Variants in AP1G1 observed in about 807,000 individuals in gnomAD.
AP1G1 encodes AP-1 complex subunit gamma-1.
A neutral mutation model predicts 108.3 loss-of-function variants in AP1G1; 7 were observed. That is an observed-to-expected ratio of 0.06 (90% confidence interval 0.04 to 0.12). The LOEUF (loss-of-function observed/expected upper bound fraction) is 0.12, where lower values mean the gene tolerates loss of function less well. Ranked by LOEUF, AP1G1 falls within the 10% of genes least tolerant of loss-of-function variation. The pLI is 1.00. For missense variants in AP1G1, 756 were observed against 1,010.7 expected, an observed-to-expected ratio of 0.75 and a Z score of 3.42; for synonymous variants, 379 against 353.5, an observed-to-expected ratio of 1.07 and a Z score of -0.81.
At chr16:71,789,193 T>G in intron 2 of AP1G1, 86 bp downstream of exon 2, 1 of 1,272,328 alleles carries the variant, frequency 7.9e-7, no homozygotes, top group Non-Finnish European at 1.1e-6. Flanking sequence ...CTATCAAAAG[T>G]ACCTCCCCAC....
intron 1 of AP1G1, among the ~76,000 whole-genome samples, chr16:71,801,870 C>T (rs1332551910): frequency 6.9e-6 from 1 of 144,970 alleles, no homozygotes. Flanking sequence ...TGCAGTGAGC[C>T]GAGATTGCGC....
intron 2 of AP1G1, chr16:71,777,501 G>A (rs550769762): frequency 3.0e-5 from 8 of 269,844 alleles, no homozygotes; most frequent in African/African-American, 1.6e-4. Context: ...CTGGTGCAGG[G>A]CCCATAGCAA....
chr16:71,791,541 C>T (rs888367556), intron 1 of AP1G1, among the ~76,000 whole-genome samples: 3 of 151,812 alleles, frequency 2.0e-5, no homozygotes, highest in African/African-American at 4.8e-5. Context: ...AAAAGTTAGC[C>T]AAACATAGTG....
chr16:71,746,849 CA>C, intron 16 of AP1G1, 157 bp from the exon 17 acceptor site: 4 of 561,428 alleles, frequency 7.1e-6, no homozygotes, highest in Non-Finnish European at 1.3e-5. Context: ...ACTTTACTTT[CA>C]TCCATTTATC....
chr16:71,747,771 C>A (rs902995145), intron 16 of AP1G1, among the ~76,000 whole-genome samples: 2 of 152,024 alleles, frequency 1.3e-5, no homozygotes, highest in Non-Finnish European at 2.9e-5. Context: ...CACTTGAGCC[C>A]AGGAGTTTGA....
Position 71,738,964 on chromosome 16 carries a change from A to G in AP1G1, c.2246T>C (p.Val749Ala). ...NSTELDMTDF[V>A]FQAAVPKTFQ... is the part of the protein sequence containing the mutation. ...TACCTTTGGTACTGCAGCTTGGAAAACAAAGTCCGTCATATCTAGCTCTGT... is the reference window on the plus strand; with the variant it reads ...TACCTTTGGTACTGCAGCTTGGAAAGCAAAGTCCGTCATATCTAGCTCTGT... The change falls in exon 21 of 23, where the codon GTT becomes GCT. Residue 749 changes from valine to alanine, a missense_variant. Val to Ala is a moderately conservative substitution (Grantham distance 64). This residue lies in a region of AP1G1 where 95 missense variants were observed against 160.5 expected (regional missense o/e 0.59). Transcript: ENST00000299980. 1 of 1,614,032 alleles carries G rather than the reference A, an allele frequency of 6.2e-7. No individual in the cohort carries two copies. The highest frequency in any genetic ancestry group is 8.5e-7 in the Non-Finnish European group (1 of 1,180,004).
chr16:71,749,398 G>A (rs1169213704), intron 15 of AP1G1, among the ~76,000 whole-genome samples: 2 of 151,594 alleles, frequency 1.3e-5, no homozygotes, highest in African/African-American at 4.8e-5. Flanking sequence ...TGGGAAGATC[G>A]CTTGAAACCC....
chr16:71,772,578 A>G (rs1049963150), intron 4 of AP1G1, among the ~76,000 whole-genome samples: 8 of 152,232 alleles, frequency 5.3e-5, no homozygotes, highest in Non-Finnish European at 1.0e-4. Context: ...CATTAACTGC[A>G]TATCATCCTG....
At chr16:71,799,952 G>A (rs2032726438) in intron 1 of AP1G1, among the ~76,000 whole-genome samples, 2 of 151,466 alleles carry the variant, frequency 1.3e-5, no homozygotes, top group African/African-American at 2.4e-5. Flanking sequence ...TGGGTGCGGT[G>A]GCTCACGCCT....
chr16:71,782,844 G>A (rs534000712), intron 2 of AP1G1, among the ~76,000 whole-genome samples: 1 of 152,112 alleles, frequency 6.6e-6, no homozygotes, highest in South Asian at 2.1e-4. Context: ...TGCCTCTTCT[G>A]GTGATTACTG....
rs1477186970 is a variant in AP1G1 at position 71,764,646 on chromosome 16, C to T, written c.819G>A (p.Gln273=). Reference sequence around the variant, plus strand: ...TATTTAATATGTTTGGTCTACTCACCTGTGCTAATATATCATTCATAGCTT... The same window carrying T: ...TATTTAATATGTTTGGTCTACTCACTTGTGCTAATATATCATTCATAGCTT... ...SSEAMNDILA[Q]VATNTETSKN... Residue 273 remains glutamine (Q), a splice_region_variant and synonymous_variant, in exon 8 of 23, where the codon CAG becomes CAA. Transcript: ENST00000299980. 6.3e-7 allele frequency: 1 copy of T among 1,594,764 alleles called. No individual in the cohort carries two copies. Among genetic ancestry groups the T allele is most frequent in the South Asian group, 1.2e-5 (1 of 86,942 alleles).
intron 1 of AP1G1, chr16:71,806,754 T>C (rs1327832156): frequency 1.2e-5 from 15 of 1,280,654 alleles, no homozygotes; most frequent in Non-Finnish European, 1.5e-5. Context: ...GAAAATTCCA[T>C]TGCTTCAGGG....
chr16:71,797,563 G>A (rs892662961), intron 1 of AP1G1, among the ~76,000 whole-genome samples: 3 of 152,086 alleles, frequency 2.0e-5, no homozygotes, highest in African/African-American at 7.2e-5. Context: ...CACTTTGGGA[G>A]GCTGAGGTAG....
intron 1 of AP1G1, among the ~76,000 whole-genome samples, chr16:71,805,003 C>G (rs1169006734): frequency 6.7e-6 from 1 of 149,396 alleles, no homozygotes; most frequent in Non-Finnish European, 1.5e-5. Flanking sequence ...AGAGTGAGAA[C>G]CTGTCTCAAT....
At chr16:71,757,776 G>T (rs2030875138) in intron 11 of AP1G1, among the ~76,000 whole-genome samples, 1 of 151,940 alleles carries the variant, frequency 6.6e-6, no homozygotes, top group Non-Finnish European at 1.5e-5. Flanking sequence ...CACTTTTTTT[G>T]AAATTCACAG....
Position 71,739,406 on chromosome 16 carries a change from T to C in AP1G1, c.2000-65A>G, listed in dbSNP as rs548135978. On this transcript the variant is annotated intron_variant, in intron 19 of 22. Coordinates refer to ENST00000299980, the MANE Select transcript of AP1G1 (RefSeq NM_001128.6). ...CATGACAAAGCTTACCAAGAAATTA[T>C]AGGGAAAATTATTTCGGTCTCAGGT... 4.2e-5 allele frequency: 54 copies of C among 1,276,450 alleles called. No homozygotes were observed. The South Asian group carries it at 6.0e-4, about 14-fold the overall frequency. The allele number at this position is 1,276,450 out of a possible 1,614,324, so 79.1% of individuals were successfully genotyped here. A position where few individuals can be genotyped will look rare whatever the true frequency, so the allele number is the denominator to read the frequency against.
At chr16:71,744,867 C>T (rs1172685316) in intron 19 of AP1G1, among the ~76,000 whole-genome samples, 2 of 152,130 alleles carry the variant, frequency 1.3e-5, no homozygotes, top group African/African-American at 2.4e-5. Flanking sequence ...TGAGCCACTG[C>T]GCCCAGCCAG....
chr16:71,791,557 C>T (rs1197797096), intron 1 of AP1G1, among the ~76,000 whole-genome samples: 7 of 151,514 alleles, frequency 4.6e-5, no homozygotes, highest in African/African-American at 1.5e-4. Flanking sequence ...TAGTGGCACA[C>T]GACTACTGTC....
chr16:71,771,224 C>T lies in AP1G1; in HGVS notation c.497G>A (p.Arg166Lys). 1 of 1,607,780 alleles carries T rather than the reference C, an allele frequency of 6.2e-7. No individual in the cohort carries two copies. Among genetic ancestry groups the T allele is most frequent in the Non-Finnish European group, 8.5e-7 (1 of 1,178,098 alleles). Residue 166 changes from arginine (R) to lysine (K), a missense_variant, in exon 5 of 23, where the codon AGG (arginine) becomes AAG (lysine). Around this residue, in one of 3 missense-constraint regions of AP1G1, gnomAD observed 304 missense variants for 483.6 expected, o/e 0.63. Coordinates refer to ENST00000299980, the MANE Select transcript of AP1G1 (RefSeq NM_001128.6). Reference protein sequence around the residue: ...KAALCAVHVIRKVPELMEMFL... With the variant: ...KAALCAVHVIKKVPELMEMFL... ...CATCTCCATAAGTTCAGGAACTTTC[C>T]TGATGACATGAACAGCACACAGTGC...
Sources: gnomAD v4.1 joint callset for allele counts (sites outside exome capture counted in the v4.1 genomes callset) on GRCh38, gnomAD v4.1.1 for gene constraint, gnomAD v4.1.1 regional missense constraint, MANE v1.5 for transcripts, NCBI Gene and HGNC (gene_info 2026-07-23, HGNC 2026-07-21) for gene names.